GMDS: variants seen among roughly 807,000 people sequenced by gnomAD.
The protein encoded by GMDS is GDP-mannose 4,6 dehydratase.
GMDS carries 20 observed loss-of-function variants against 49.9 expected under a neutral mutation model. The observed-to-expected ratio is 0.40, with a 90% CI of 0.28 to 0.58. The LOEUF is 0.58. Ranked by LOEUF, GMDS falls within the 20% of genes least tolerant of loss-of-function variation. The pLI is 0.42. For synonymous variants in GMDS, 177 were observed against 178.6 expected, an observed-to-expected ratio of 0.99 and a Z score of 0.07; for missense variants, 362 against 481.4, an observed-to-expected ratio of 0.75 and a Z score of 2.32.
At chr6:2,235,202 T>C (rs1401967129) in intron 1 of GMDS, among the ~76,000 whole-genome samples, 3 of 152,142 alleles carry the variant, frequency 2.0e-5, no homozygotes, top group African/African-American at 7.2e-5. Flanking sequence ...GTTAGAATCA[T>C]CCCCTTAGGG....
chr6:1,915,692 G>A (rs942723525), intron 7 of GMDS, among the ~76,000 whole-genome samples: 1 of 152,192 alleles, frequency 6.6e-6, no homozygotes, highest in Non-Finnish European at 1.5e-5. Flanking sequence ...CCGAATGAAC[G>A]CGCCTGATCT....
intron 4 of GMDS, among the ~76,000 whole-genome samples, chr6:2,077,837 A>G (rs984375215): frequency 6.6e-6 from 1 of 152,090 alleles, no homozygotes; most frequent in Non-Finnish European, 1.5e-5. Flanking sequence ...AATTTTTTGG[A>G]ATAGTTTCAA....
At chr6:1,655,966 C>T (rs1284732428) in intron 9 of GMDS, among the ~76,000 whole-genome samples, 1 of 152,172 alleles carries the variant, frequency 6.6e-6, no homozygotes, top group Non-Finnish European at 1.5e-5. Context: ...CACGCACACC[C>T]CACAGCCAGG....
At chr6:2,154,863 C>CAAAAAAAAAAAAAAAAAAAAAAA (rs70992124) in intron 1 of GMDS, among the ~76,000 whole-genome samples, 1 of 65,626 alleles carries the variant, frequency 1.5e-5, no homozygotes, top group Non-Finnish European at 3.0e-5. Flanking sequence ...TGAAGAGATG[C>CAAAAAAAAAAAAAAAAAAAAAAA]AAAAAAAAAA....
intron 6 of GMDS, among the ~76,000 whole-genome samples, chr6:1,943,624 A>G (rs1341613647): frequency 1.3e-5 from 2 of 152,242 alleles, no homozygotes; most frequent in African/African-American, 4.8e-5. Context: ...CCAGAGTCTC[A>G]GGAATGATTA....
chr6:1,900,519 G>T (rs976940749), intron 7 of GMDS, among the ~76,000 whole-genome samples: 1 of 152,186 alleles, frequency 6.6e-6, no homozygotes, highest in African/African-American at 2.4e-5. Context: ...CATAAATCAT[G>T]AAGTTTTTAA....
chr6:1,903,220 T>G (rs1035725856), intron 7 of GMDS, among the ~76,000 whole-genome samples: 1 of 152,338 alleles, frequency 6.6e-6, no homozygotes, highest in South Asian at 2.1e-4. Context: ...TTTCTACAAA[T>G]AGTGGTAAAA....
chr6:1,932,266 C>A (rs1762321575), intron 6 of GMDS, among the ~76,000 whole-genome samples: 1 of 152,132 alleles, frequency 6.6e-6, no homozygotes. Context: ...GCTGATAGCA[C>A]TGTGCTGAGC....
chr6:1,695,181 T>C (rs1765296403), intron 9 of GMDS, among the ~76,000 whole-genome samples: 1 of 152,196 alleles, frequency 6.6e-6, no homozygotes, highest in African/African-American at 2.4e-5. Flanking sequence ...CTGCACAATA[T>C]ACCACCAGTT....
intron 6 of GMDS, among the ~76,000 whole-genome samples, chr6:1,938,903 T>C (rs1323972230): frequency 6.6e-6 from 1 of 151,902 alleles, no homozygotes; most frequent in Non-Finnish European, 1.5e-5. Flanking sequence ...AGCAATCTAA[T>C]CTAAGTCGGC....
intron 4 of GMDS, among the ~76,000 whole-genome samples, chr6:2,089,310 G>C (rs1562044313): frequency 6.6e-6 from 1 of 151,926 alleles, no homozygotes; most frequent in Non-Finnish European, 1.5e-5. Flanking sequence ...AATTTAGGAA[G>C]AAAAAATAAA....
intron 7 of GMDS, among the ~76,000 whole-genome samples, chr6:1,897,198 GC>G (rs893422562): frequency 6.6e-4 from 100 of 152,330 alleles, no homozygotes; most frequent in African/African-American, 2.3e-3. Flanking sequence ...CCTGATGGCT[GC>G]CTTTTCCCTG....
chr6:1,692,653 T>C (rs1017044061), intron 9 of GMDS, among the ~76,000 whole-genome samples: 2 of 152,178 alleles, frequency 1.3e-5, no homozygotes, highest in African/African-American at 4.8e-5. Context: ...AGTTCACTAA[T>C]CTTTTCTTTT....
intron 8 of GMDS, among the ~76,000 whole-genome samples, chr6:1,739,865 G>T (rs1488801222): frequency 6.6e-6 from 1 of 152,182 alleles, no homozygotes; most frequent in Non-Finnish European, 1.5e-5. Context: ...AAAAACAGAA[G>T]AACTCTGACT....
At chr6:1,677,140 A>C (rs957927043) in intron 9 of GMDS, among the ~76,000 whole-genome samples, 3 of 152,272 alleles carry the variant, frequency 2.0e-5, no homozygotes, top group Non-Finnish European at 4.4e-5. Context: ...GACACTTCTC[A>C]AAAGAAGATA....
intron 4 of GMDS, among the ~76,000 whole-genome samples, chr6:1,985,173 G>C (rs1458501140): frequency 6.6e-6 from 1 of 152,134 alleles, no homozygotes; most frequent in African/African-American, 2.4e-5. Context: ...TTTACACAAG[G>C]GTCTGCTCCA....
intron 7 of GMDS, among the ~76,000 whole-genome samples, chr6:1,846,971 A>G (rs1403345074): frequency 3.9e-5 from 6 of 152,244 alleles, no homozygotes; most frequent in Non-Finnish European, 8.8e-5. Flanking sequence ...GGGGAGAAAC[A>G]GCAGATGAAA....
At chr6:1,688,161 G>A (rs529009992) in intron 9 of GMDS, among the ~76,000 whole-genome samples, 19 of 152,272 alleles carry the variant, frequency 1.2e-4, no homozygotes, top group African/African-American at 4.3e-4. Context: ...TGAACCGTTC[G>A]CTGATGGATA....
At chr6:1,855,207 C>T (rs754318910) in intron 7 of GMDS, among the ~76,000 whole-genome samples, 36 of 152,194 alleles carry the variant, frequency 2.4e-4, no homozygotes, top group Admixed American at 9.8e-4. Context: ...ATGACCTGCT[C>T]TGGGAAAAGC....
Sources: allele counts gnomAD v4.1 joint callset (sites outside exome capture counted in the v4.1 genomes callset), GRCh38; gene constraint gnomAD v4.1.1; transcripts MANE v1.5; gene names NCBI Gene and HGNC (gene_info 2026-07-23, HGNC 2026-07-21).